SYNE1: variants seen among roughly 807,000 people sequenced by gnomAD.
The protein encoded by SYNE1 is spectrin repeat containing nuclear envelope protein 1, also known as nesprin-1.
In SYNE1, 616 loss-of-function variants were observed where a neutral mutation model predicts 1,111.0. That is an observed-to-expected ratio of 0.55 (90% CI 0.52 to 0.59). The LOEUF (loss-of-function observed/expected upper bound fraction) is 0.59. SYNE1 is among the 20% of genes least tolerant of loss of function. The probability of loss-of-function intolerance (pLI) is 0.00; values close to 1 mark genes in which losing one functional copy is unlikely to be tolerated. For missense variants in SYNE1, 10,006 were observed against 10,417.0 expected, an observed-to-expected ratio of 0.96 and a Z score of 1.72; for synonymous variants, 3,855 against 3,825.8, an observed-to-expected ratio of 1.01 and a Z score of -0.28.
intron 97 of SYNE1, among the ~76,000 whole-genome samples, chr6:152,279,174 G>C (rs1285627397): frequency 8.4e-6 from 1 of 119,546 alleles, no homozygotes; most frequent in African/African-American, 3.1e-5. Context: ...TTTGAGACAA[G>C]GTCTCCTCTA....
intron 108 of SYNE1, among the ~76,000 whole-genome samples, chr6:152,237,284 T>G (rs2084368745): frequency 6.7e-6 from 1 of 150,324 alleles, no homozygotes; most frequent in Non-Finnish European, 1.5e-5. Flanking sequence ...ATGTATGCAG[T>G]GTACCTTCTA....
At chr6:152,602,810 G>A (rs2099599320) in intron 3 of SYNE1, among the ~76,000 whole-genome samples, 1 of 152,198 alleles carries the variant, frequency 6.6e-6, no homozygotes, top group Admixed American at 6.5e-5. Flanking sequence ...AAAAAAGGGA[G>A]AGGGAGAGGA....
chr6:152,269,436 C>G, intron 98 of SYNE1, 150 bp from the exon 99 acceptor site: 1 of 1,121,944 alleles, frequency 8.9e-7, no homozygotes, highest in Non-Finnish European at 1.3e-6. Flanking sequence ...AAAACAGTAA[C>G]ACAAAACCCA....
At chr6:152,472,257 G>A in intron 15 of SYNE1, 44 bp downstream of exon 15, 1 of 1,485,602 alleles carries the variant, frequency 6.7e-7, no homozygotes, top group Non-Finnish European at 9.4e-7. Context: ...CGTCCACCTA[G>A]TGTTTTAAAA....
Position 152,143,736 on chromosome 6 carries a change from G to A in SYNE1, c.25006C>T (p.Arg8336Ter), listed in dbSNP as rs760678661. 9 of 1,614,158 alleles carry A rather than the reference G, an allele frequency of 5.6e-6. No individual in the cohort carries two copies. Among genetic ancestry groups the A allele is most frequent in the Admixed American group, 3.3e-5 (2 of 60,016 alleles). ...TCATCCAGGGCTTTGCCCAGTTGTC[G>A]GATCTGTGACTCTAGGGCACTGTGG... Reference protein sequence around the residue: ...GDHSALESQIRQLGKALDDSR... With the variant: ...GDHSALESQI The change falls in exon 138 of 146, where the codon CGA becomes TGA. Residue 8336 changes from arginine to a stop codon, truncating the protein, a stop_gained. Transcript: ENST00000367255. LOFTEE classifies it high-confidence loss of function.
chr6:152,523,415 A>G (rs939479481), intron 5 of SYNE1, among the ~76,000 whole-genome samples: 1 of 152,064 alleles, frequency 6.6e-6, no homozygotes. Flanking sequence ...TGGTCTATGT[A>G]TCTACTTTTA....
At chr6:152,144,388 A>T (rs2059074423) in intron 137 of SYNE1, 1 of 158,314 alleles carries the variant, frequency 6.3e-6, no homozygotes, top group African/African-American at 2.4e-5. Flanking sequence ...CTAAGATTTT[A>T]ACATTTCCAT....
intron 127 of SYNE1, among the ~76,000 whole-genome samples, chr6:152,197,430 C>G (rs994765057): frequency 2.6e-5 from 4 of 152,150 alleles, no homozygotes; most frequent in African/African-American, 7.2e-5. Flanking sequence ...ATTTACTTTG[C>G]CCAGATCCAT....
chr6:152,218,129 T>C (rs2079196818), intron 121 of SYNE1, 128 bp downstream of exon 121: 2 of 1,074,104 alleles, frequency 1.9e-6, no homozygotes, highest in African/African-American at 3.1e-5. Context: ...AAAGCAGAGG[T>C]TGCAGTGAGC....
chr6:152,526,324 A>G, intron 4 of SYNE1, 149 bp from the exon 5 acceptor site: 1 of 777,464 alleles, frequency 1.3e-6, no homozygotes. Context: ...TGAGTTGCCA[A>G]TTGCCTTTCG....
At chr6:152,266,894 CA>C (rs1305469250) in intron 100 of SYNE1, among the ~76,000 whole-genome samples, 9 of 150,502 alleles carry the variant, frequency 6.0e-5, no homozygotes, top group Middle Eastern at 3.4e-3. Flanking sequence ...GATTAAACTG[CA>C]AAAAAAAAGT....
chr6:152,506,634 C>A (rs546917488), intron 8 of SYNE1, among the ~76,000 whole-genome samples: 3 of 152,168 alleles, frequency 2.0e-5, no homozygotes, highest in African/African-American at 7.2e-5. Context: ...CTCCACCCCC[C>A]AGGCTCAAGG....
intron 141 of SYNE1, 91 bp downstream of exon 141, chr6:152,136,527 C>G: frequency 1.3e-6 from 2 of 1,508,990 alleles, no homozygotes; most frequent in South Asian, 2.3e-5. Context: ...GCAACTGCGT[C>G]CCTCTAGAAA....
At chr6:152,526,828 G>A (rs866307078) in intron 4 of SYNE1, among the ~76,000 whole-genome samples, 1 of 152,168 alleles carries the variant, frequency 6.6e-6, no homozygotes, top group Non-Finnish European at 1.5e-5. Flanking sequence ...AGACCGATCA[G>A]TGCAAATCTA....
chr6:152,457,255 A>G (rs1451081572), intron 22 of SYNE1, among the ~76,000 whole-genome samples: 1 of 152,176 alleles, frequency 6.6e-6, no homozygotes, highest in Non-Finnish European at 1.5e-5. Context: ...AATAAGCTTT[A>G]CACTCAGGTA....
At chr6:152,233,319 G>T (rs538495092) in intron 112 of SYNE1, among the ~76,000 whole-genome samples, 26 of 150,586 alleles carry the variant, frequency 1.7e-4, no homozygotes, top group Middle Eastern at 3.4e-3. Context: ...GCAGGGCTTT[G>T]TAGCGTAGTT....
chr6:152,453,572 C>G lies in SYNE1; in HGVS notation c.3027+14G>C, dbSNP rs952080463. 1.2e-6 allele frequency: 2 copies of G among 1,614,104 alleles called. No individual in the cohort carries two copies. Among genetic ancestry groups the G allele is most frequent in the Non-Finnish European group, 1.7e-6 (2 of 1,180,040 alleles). ...ATTGAGGATGCACGGTGTCTCCGTC[C>G]TGTCCTGACTCACCTTCCATTGTTT... On this transcript the variant is annotated intron_variant, in intron 25 of 145. Coordinates refer to ENST00000367255, the MANE Select transcript of SYNE1 (RefSeq NM_182961.4).
chr6:152,188,939 A>C (rs1406175603), intron 128 of SYNE1, among the ~76,000 whole-genome samples: 63 of 123,032 alleles, frequency 5.1e-4, no homozygotes, highest in African/African-American at 1.9e-3. Flanking sequence ...GCCTGGGCAA[A>C]AGAGTGAGAC....
intron 95 of SYNE1, among the ~76,000 whole-genome samples, chr6:152,288,675 T>C (rs1310442236): frequency 4.6e-5 from 7 of 152,222 alleles, no homozygotes; most frequent in Admixed American, 6.5e-5. Context: ...GCCTCTCAAG[T>C]AGCTGGGACT....
Sources: allele counts gnomAD v4.1 joint callset (sites outside exome capture counted in the v4.1 genomes callset), GRCh38; gene constraint gnomAD v4.1.1; transcripts MANE v1.5; gene names NCBI Gene and HGNC (gene_info 2026-07-23, HGNC 2026-07-21).